Variants in GSPT1 observed in about 807,000 individuals in gnomAD.
GSPT1 encodes eukaryotic peptide chain release factor GTP-binding subunit ERF3A.
In GSPT1, 20 loss-of-function variants were observed where a neutral mutation model predicts 72.5. The observed-to-expected ratio is 0.28, with a 90% CI of 0.19 to 0.40. GSPT1 has a LOEUF of 0.40. Among genes scored for constraint, GSPT1 ranks in the 10% least tolerant of loss-of-function variants. The probability of loss-of-function intolerance (pLI) is 1.00; values close to 1 mark genes in which losing one functional copy is unlikely to be tolerated. For missense variants in GSPT1, 580 were observed against 811.9 expected (o/e 0.71, Z 3.47); for synonymous variants, 334 against 293.5 (o/e 1.14, Z -1.41).
Position 11,871,067 on chromosome 16 carries a change from G to A in GSPT1, c.*2052C>T, listed in dbSNP as rs1170721129. The stretch of plus-strand genomic sequence containing the variant: ...TGCTAGTATTTGTTTTTATTAACAT[G>A]GAATTACAAAAAGAACTATTATGTT... On this transcript the variant is annotated 3_prime_UTR_variant, in exon 15 of 15. Transcript: ENST00000434724. 3.9e-5 allele frequency: 6 copies of A among 152,022 alleles called. No homozygotes were observed. The highest frequency in any genetic ancestry group is 7.4e-5 in the Non-Finnish European group (5 of 67,998). 9.4% of individuals were successfully genotyped at this position (152,022 alleles called of 1,614,324 possible).
chr16:11,888,946 C>T (rs1407159087), intron 6 of GSPT1, among the ~76,000 whole-genome samples: 2 of 152,132 alleles, frequency 1.3e-5, no homozygotes, highest in African/African-American at 2.4e-5. Context: ...CTTATTACTT[C>T]ATTTTTATAC....
At chr16:11,904,914 G>A (rs1477199129) in intron 1 of GSPT1, among the ~76,000 whole-genome samples, 5 of 152,176 alleles carry the variant, frequency 3.3e-5, no homozygotes, top group African/African-American at 9.6e-5. Flanking sequence ...AGGAGACTTC[G>A]TCCTTACAAA....
At chr16:11,892,524 A>AT (rs1567443276) in intron 5 of GSPT1, among the ~76,000 whole-genome samples, 4 of 126,722 alleles carry the variant, frequency 3.2e-5, no homozygotes, top group African/African-American at 1.5e-4. Flanking sequence ...CAAAAAAAAC[A>AT]AAAAAAACAA....
At chr16:11,880,397 T>G (rs1332807855) in intron 11 of GSPT1, 3 of 152,202 alleles carry the variant, frequency 2.0e-5, no homozygotes, top group Non-Finnish European at 4.4e-5. Context: ...AACTGCTATA[T>G]TTTTTCACGG....
rs189461492 is a variant in GSPT1 at position 11,868,346 on chromosome 16, T to C, written c.*4773A>G. The C allele has an allele frequency of 1.4e-5, 2 of 142,426 alleles. No homozygotes were observed. The highest frequency in any genetic ancestry group is 4.0e-4 in the East Asian group (2 of 5,054). The allele number at this position is 142,426 out of a possible 1,614,324, so 8.8% of individuals were successfully genotyped here. A position where few individuals can be genotyped will look rare whatever the true frequency, so the allele number is the denominator to read the frequency against. On this transcript the variant is annotated 3_prime_UTR_variant, in exon 15 of 15. Coordinates refer to ENST00000434724, the MANE Select transcript of GSPT1 (RefSeq NM_002094.4). ...AAAAAACTCAACAAACCTGATCAGT[T>C]CCCTTTAATCCTGTTTTTTTTTTTT...
chr16:11,893,480 GA>G (rs577694480), intron 5 of GSPT1, among the ~76,000 whole-genome samples: 13 of 150,280 alleles, frequency 8.7e-5, no homozygotes, highest in African/African-American at 2.4e-4. Flanking sequence ...CTATAGAAAA[GA>G]AAAAAAAATT....
In GSPT1 at chr16:11,883,085, G is replaced by A. The variant is rs1395133394; in HGVS notation, c.1358C>T (p.Thr453Ile). Reference sequence around the variant, plus strand: ...TGATTCCAGCTTTCCCAGGACCACAGTGCCCATATCCTGATCAAATGTAAA... The same window carrying A: ...TGATTCCAGCTTTCCCAGGACCACAATGCCCATATCCTGATCAAATGTAAA... ...PIVDKYKDMG[T>I]VVLGKLESGS... Residue 453 changes from threonine to isoleucine, a missense_variant, in exon 11 of 15, where the codon ACT (threonine) becomes ATT (isoleucine). By Grantham distance (89) the Thr-to-Ile change is moderately conservative. Transcript: ENST00000434724. 3 of 1,599,962 alleles carry A rather than the reference G, an allele frequency of 1.9e-6. No individual in the cohort carries two copies. Among genetic ancestry groups the A allele is most frequent in the Admixed American group, 1.7e-5 (1 of 59,974 alleles).
chr16:11,915,053 C>G (rs1395275713), intron 1 of GSPT1: 12 of 1,291,532 alleles, frequency 9.3e-6, no homozygotes, highest in African/African-American at 1.5e-5. Context: ...GCCGCGGCCC[C>G]CACTCCGTTC....
chr16:11,914,848 G>A lies in GSPT1; in HGVS notation c.352+521C>T, dbSNP rs2054608898. 4 of 420,606 alleles carry A rather than the reference G, an allele frequency of 9.5e-6. 1 individual carries two copies. The highest frequency in any genetic ancestry group is 7.8e-5 in the South Asian group (4 of 51,518). 26.1% of individuals were successfully genotyped at this position (420,606 alleles called of 1,614,324 possible). ...ATCTTGGGATTCCTTCAGGACGGTT[G>A]GGGGCCACGGACAGTTTAAACCGTA... is the stretch of plus-strand genomic sequence containing the variant. On this transcript the variant is annotated intron_variant, in intron 1 of 14. Coordinates refer to ENST00000434724, the MANE Select transcript of GSPT1 (RefSeq NM_002094.4).
chr16:11,876,185 A>G lies in GSPT1; in HGVS notation c.1603-10T>C, dbSNP rs776084299. ...GCTCTATAATCACTATCTGTCAAAC[A>G]AACACACACATTCTTATCTTTAGCC... On this transcript the variant is annotated splice_polypyrimidine_tract_variant and intron_variant, in intron 12 of 14. Coordinates refer to ENST00000434724, the MANE Select transcript of GSPT1 (RefSeq NM_002094.4). 6.7e-7 allele frequency: 1 copy of G among 1,503,508 alleles called. No homozygotes were observed. The highest frequency in any genetic ancestry group is 1.1e-5 in the South Asian group (1 of 88,704). The allele number at this position is 1,503,508 out of a possible 1,614,324, so 93.1% of individuals were successfully genotyped here. A position where few individuals can be genotyped will look rare whatever the true frequency, so the allele number is the denominator to read the frequency against.
intron 1 of GSPT1, among the ~76,000 whole-genome samples, chr16:11,909,681 T>C (rs893345295): frequency 1.3e-5 from 2 of 152,118 alleles, no homozygotes; most frequent in African/African-American, 2.4e-5. Flanking sequence ...TCCCAGCATT[T>C]TGGGAGGCCG....
chr16:11,916,014 C>G (rs2054633877), upstream of GSPT1: 2 of 668,034 alleles, frequency 3.0e-6, no homozygotes, highest in Non-Finnish European at 5.6e-6. Flanking sequence ...ACCCCCGGCG[C>G]GGATTGACCC....
rs141184853 is a variant in GSPT1, at chr16:11,877,077, A to G, written c.1602+330T>C. On this transcript the variant is annotated intron_variant, in intron 12 of 14. Coordinates refer to ENST00000434724, the MANE Select transcript of GSPT1 (RefSeq NM_002094.4). The surrounding 1 kb of genome is among the most constrained non-coding windows in gnomAD (Gnocchi z 4.0). Reference sequence around the variant, plus strand: ...TTGTCTGGAAAGCTATGTGCTGTCAATGAGCACATAAACCATGACTTCCAC... The same window carrying G: ...TTGTCTGGAAAGCTATGTGCTGTCAGTGAGCACATAAACCATGACTTCCAC... Among the ~76,000 whole-genome samples the G allele has an allele frequency of 1.3e-5, 2 of 152,362 alleles. No individual in the cohort carries two copies. Among genetic ancestry groups the G allele is most frequent in the East Asian group, 1.9e-4 (1 of 5,190 alleles).
At chr16:11,909,463 C>T (rs903285716) in intron 1 of GSPT1, among the ~76,000 whole-genome samples, 10 of 152,030 alleles carry the variant, frequency 6.6e-5, no homozygotes, top group African/African-American at 2.4e-4. Context: ...TCTTGTCTCC[C>T]GAAGATATTT....
At chr16:11,898,961 GC>G (rs1306899740) in intron 1 of GSPT1, among the ~76,000 whole-genome samples, 1 of 152,054 alleles carries the variant, frequency 6.6e-6, no homozygotes, top group Non-Finnish European at 1.5e-5. Flanking sequence ...TTGCCACACT[GC>G]AAATTTACTT....
At chr16:11,910,682 C>T (rs1403778891) in intron 1 of GSPT1, among the ~76,000 whole-genome samples, 1 of 152,162 alleles carries the variant, frequency 6.6e-6, no homozygotes, top group African/African-American at 2.4e-5. Context: ...AAGGCTTAAA[C>T]TTTGTCGTCT....
intron 6 of GSPT1, among the ~76,000 whole-genome samples, chr16:11,889,801 C>T (rs1003989866): frequency 6.0e-5 from 9 of 151,132 alleles, no homozygotes; most frequent in African/African-American, 1.5e-4. Flanking sequence ...ACACTGTGCC[C>T]GGCCATTTTT....
intron 1 of GSPT1, among the ~76,000 whole-genome samples, chr16:11,914,395 C>A (rs182067980): frequency 6.6e-6 from 1 of 152,266 alleles, no homozygotes; most frequent in East Asian, 1.9e-4. Context: ...ACGACTTAAG[C>A]AACCCCTAAG....
intron 1 of GSPT1, among the ~76,000 whole-genome samples, chr16:11,914,344 C>A (rs1244800736): frequency 6.6e-6 from 1 of 152,142 alleles, no homozygotes; most frequent in Non-Finnish European, 1.5e-5. Flanking sequence ...GTTCACTCAC[C>A]GGATATTCCT....
Sources: gnomAD v4.1 joint callset for allele counts (sites outside exome capture counted in the v4.1 genomes callset) on GRCh38, gnomAD v4.1.1 for gene constraint, Gnocchi (gnomAD v3.1) non-coding constraint, MANE v1.5 for transcripts, NCBI Gene and HGNC (gene_info 2026-07-23, HGNC 2026-07-21) for gene names.